The following RBM47 variants were observed in gnomAD, a reference collection of about 807,000 sequenced individuals.
RBM47 encodes the protein RNA-binding protein 47.
Under a neutral mutation model 47.1 loss-of-function variants are expected in RBM47, and 21 were observed. The ratio of observed to expected loss-of-function variants is 0.45; its 90% CI spans 0.32 to 0.64. RBM47 has a LOEUF of 0.64. Among genes scored for constraint, RBM47 ranks in the 30% least tolerant of loss-of-function variants. RBM47 has a pLI of 0.05. For missense variants in RBM47, 708 were observed against 870.9 expected (o/e 0.81, Z 2.35); for synonymous variants, 375 against 361.7 (o/e 1.04, Z -0.42).
intron 3 of RBM47, among the ~76,000 whole-genome samples, chr4:40,456,064 G>A (rs1334121364): frequency 6.6e-6 from 1 of 152,202 alleles, no homozygotes; most frequent in Non-Finnish European, 1.5e-5. Flanking sequence ...TGTGAAATGT[G>A]TAGTTATAAT....
At chr4:40,506,279 A>G (rs1311371594) in intron 2 of RBM47, among the ~76,000 whole-genome samples, 1 of 152,162 alleles carries the variant, frequency 6.6e-6, no homozygotes, top group Non-Finnish European at 1.5e-5. Context: ...TCCTCAAGGG[A>G]AAAAATGCCA....
chr4:40,538,303 G>A (rs66676723), intron 2 of RBM47, among the ~76,000 whole-genome samples: 16,169 of 150,716 alleles, frequency 0.11, 959 homozygotes, highest in South Asian at 0.18. Flanking sequence ...ACATATGTGA[G>A]GTAGGATGCT....
intron 1 of RBM47, among the ~76,000 whole-genome samples, chr4:40,597,391 T>C (rs1028319769): frequency 6.6e-6 from 1 of 151,646 alleles, no homozygotes; most frequent in Non-Finnish European, 1.5e-5. Flanking sequence ...AGATCAGGAG[T>C]GTGAGACCAG....
chr4:40,614,381 T>C (rs1163399317), intron 1 of RBM47, among the ~76,000 whole-genome samples: 2 of 152,090 alleles, frequency 1.3e-5, no homozygotes, highest in Non-Finnish European at 2.9e-5. Context: ...CTCCCTTCTA[T>C]CTAATTTTAA....
chr4:40,495,333 A>G (rs1441195908), intron 2 of RBM47, among the ~76,000 whole-genome samples: 9 of 152,106 alleles, frequency 5.9e-5, no homozygotes, highest in Admixed American at 3.3e-4. Context: ...TCAGCCAGGC[A>G]TGGTGGCTCA....
intron 1 of RBM47, among the ~76,000 whole-genome samples, chr4:40,598,153 G>C (rs1374271656): frequency 6.6e-6 from 1 of 152,178 alleles, no homozygotes; most frequent in African/African-American, 2.4e-5. Flanking sequence ...CTAATATACA[G>C]AGGACTGACC....
At position 40,629,528 on chromosome 4, in the gene RBM47, A is replaced by C. The variant is rs1578099069; in HGVS notation, c.-372T>G. On this transcript the variant is annotated 5_prime_UTR_variant, in exon 1 of 7. Transcript: ENST00000295971. Reference sequence around the variant, plus strand: ...GCCTTCTTTTTAATGTAAAACCAAAATAAGGAGTGTCCAGCGACTCCCCAC... The same window carrying C: ...GCCTTCTTTTTAATGTAAAACCAAACTAAGGAGTGTCCAGCGACTCCCCAC... 6.6e-6 allele frequency: 1 copy of C among 152,196 alleles called. No individual in the cohort carries two copies. The highest frequency in any genetic ancestry group is 2.4e-5 in the African/African-American group (1 of 41,426). The allele number at this position is 152,196 out of a possible 1,614,324, so 9.4% of individuals were successfully genotyped here.
intron 2 of RBM47, among the ~76,000 whole-genome samples, chr4:40,495,241 T>C (rs778958550): frequency 3.3e-5 from 5 of 152,206 alleles, no homozygotes; most frequent in Admixed American, 6.5e-5. Context: ...AAATCTCAAC[T>C]GATCCATTCT....
At chr4:40,484,521 G>A (rs1720828025) in intron 2 of RBM47, among the ~76,000 whole-genome samples, 1 of 152,120 alleles carries the variant, frequency 6.6e-6, no homozygotes, top group East Asian at 1.9e-4. Context: ...CTTAGGTATG[G>A]TTGGGATCAT....
chr4:40,539,661 A>AC (rs1294984453), intron 2 of RBM47, among the ~76,000 whole-genome samples: 1 of 143,028 alleles, frequency 7.0e-6, no homozygotes, highest in African/African-American at 2.6e-5. Flanking sequence ...AATCACTTGA[A>AC]CCTGAGAGGC....
intron 2 of RBM47, among the ~76,000 whole-genome samples, chr4:40,509,651 G>C (rs996150312): frequency 6.6e-6 from 1 of 152,048 alleles, no homozygotes; most frequent in Non-Finnish European, 1.5e-5. Context: ...GGAGGCCAAG[G>C]CAGGTGGATC....
At chr4:40,437,070 T>C (rs1275963224) in intron 4 of RBM47, among the ~76,000 whole-genome samples, 1 of 32,424 alleles carries the variant, frequency 3.1e-5, no homozygotes, top group Non-Finnish European at 4.7e-5. Flanking sequence ...TGAGACCCTG[T>C]CTCAAAAAAA....
In RBM47 at chr4:40,544,311, G is replaced by T. The variant is rs564784273; in HGVS notation, c.-155+111C>A. The T allele has an allele frequency of 3.0e-4, 46 of 152,252 alleles. 1 individual carries two copies. Among genetic ancestry groups the T allele is most frequent in the African/African-American group, 1.0e-3 (42 of 41,542 alleles). The allele number at this position is 152,252 out of a possible 1,614,324, so 9.4% of individuals were successfully genotyped here. Reference sequence around the variant, plus strand: ...TACGTTTGTAAAAACAAAAACAAAGGGGGGTGGCAAGGATTAGCATTTTGA... The same window carrying T: ...TACGTTTGTAAAAACAAAAACAAAGTGGGGTGGCAAGGATTAGCATTTTGA... On this transcript the variant is annotated intron_variant, in intron 2 of 6. Coordinates refer to ENST00000295971, the MANE Select transcript of RBM47 (RefSeq NM_001098634.2).
intron 1 of RBM47, among the ~76,000 whole-genome samples, chr4:40,559,819 A>G (rs1318563067): frequency 2.0e-5 from 3 of 152,236 alleles, no homozygotes; most frequent in Admixed American, 6.5e-5. Flanking sequence ...TTGGCAGCAC[A>G]TAATATGCCC....
intron 1 of RBM47, among the ~76,000 whole-genome samples, chr4:40,549,116 G>GGGT (rs1169338160): frequency 6.6e-6 from 1 of 150,906 alleles, no homozygotes; most frequent in African/African-American, 2.4e-5. Context: ...TTTTGGGGGG[G>GGGT]GGGACACAGA....
chr4:40,448,496 T>C (rs1159731785), intron 3 of RBM47, among the ~76,000 whole-genome samples: 1 of 152,224 alleles, frequency 6.6e-6, no homozygotes, highest in African/African-American at 2.4e-5. Flanking sequence ...TGTGGTTAGA[T>C]TTCTATTTTG....
chr4:40,498,054 T>TATATATATATATATATATA (rs1553890650), intron 2 of RBM47, among the ~76,000 whole-genome samples: 67 of 109,834 alleles, frequency 6.1e-4, no homozygotes, highest in African/African-American at 1.7e-3. Flanking sequence ...AGTGCTTGTT[T>TATATATATATATATATATA]TATATATATA....
chr4:40,559,424 T>C (rs1415057934), intron 1 of RBM47, among the ~76,000 whole-genome samples: 8 of 152,178 alleles, frequency 5.3e-5, no homozygotes, highest in Non-Finnish European at 8.8e-5. Context: ...TTTCAGAAAC[T>C]ATACAGAGAA....
rs985167139 is a variant in RBM47 at position 40,535,599 on chromosome 4, C to T, written c.-155+8823G>A. ...TTTTTCAGACGGAGTCTAGCCCTGTCGCCCAGGCTGGAGTGCAGTGGCGAG... is the reference window on the plus strand; with the variant it reads ...TTTTTCAGACGGAGTCTAGCCCTGTTGCCCAGGCTGGAGTGCAGTGGCGAG... On this transcript the variant is annotated intron_variant, in intron 2 of 6. Coordinates refer to ENST00000295971, the MANE Select transcript of RBM47 (RefSeq NM_001098634.2). 3.3e-5 allele frequency among the ~76,000 whole-genome samples: 5 copies of T among 151,152 alleles called. No homozygotes were observed. The East Asian group carries it at 5.8e-4, about 18-fold the overall frequency.
Sources: gnomAD v4.1 joint callset for allele counts (sites outside exome capture counted in the v4.1 genomes callset) on GRCh38, gnomAD v4.1.1 for gene constraint, MANE v1.5 for transcripts, NCBI Gene and HGNC (gene_info 2026-07-23, HGNC 2026-07-21) for gene names.